The following PPP2R2B variants were observed in gnomAD, a reference collection of about 807,000 sequenced individuals.
The protein encoded by PPP2R2B is serine/threonine-protein phosphatase 2A 55 kDa regulatory subunit B beta isoform.
Under a neutral mutation model 46.0 loss-of-function variants are expected in PPP2R2B, and 5 were observed. The observed-to-expected ratio is 0.11, with a 90% CI of 0.06 to 0.23. The LOEUF is 0.23. PPP2R2B is among the 10% of genes least tolerant of loss of function. The probability of loss-of-function intolerance (pLI) is 1.00; values close to 1 mark genes in which losing one functional copy is unlikely to be tolerated. For synonymous variants in PPP2R2B, 215 were observed against 206.7 expected (o/e 1.04, Z -0.34); for missense variants, 367 against 575.0 (o/e 0.64, Z 3.70).
intron 1 of PPP2R2B, among the ~76,000 whole-genome samples, chr5:146,987,977 TA>T (rs1039740872): frequency 1.1e-4 from 17 of 152,104 alleles, no homozygotes; most frequent in African/African-American, 4.1e-4. Context: ...GCTATACTTA[TA>T]TCAGATAAAA....
intron 2 of PPP2R2B, among the ~76,000 whole-genome samples, chr5:146,711,734 G>C (rs1780221748): frequency 6.6e-6 from 1 of 152,196 alleles, no homozygotes; most frequent in African/African-American, 2.4e-5. Flanking sequence ...CAGAGATATA[G>C]TAATAAACAA....
intron 2 of PPP2R2B, among the ~76,000 whole-genome samples, chr5:146,861,349 C>T (rs998382930): frequency 1.3e-5 from 2 of 152,050 alleles, no homozygotes; most frequent in Admixed American, 6.6e-5. Flanking sequence ...AGCCACCGCG[C>T]CCAGCCTAAT....
intron 2 of PPP2R2B, among the ~76,000 whole-genome samples, chr5:146,873,444 C>A (rs1372678840): frequency 6.6e-6 from 1 of 152,192 alleles, no homozygotes; most frequent in African/African-American, 2.4e-5. Context: ...TTCCATTCAT[C>A]TTTGGATAGA....
chr5:146,932,405 G>T (rs550930250), intron 1 of PPP2R2B, among the ~76,000 whole-genome samples: 1 of 152,112 alleles, frequency 6.6e-6, no homozygotes. Context: ...TAAATCATGG[G>T]TGTGGTTACC....
chr5:146,940,592 T>C (rs770981150), intron 1 of PPP2R2B, among the ~76,000 whole-genome samples: 10 of 152,066 alleles, frequency 6.6e-5, no homozygotes, highest in Non-Finnish European at 1.3e-4. Context: ...TAATGAGCCC[T>C]TAGAGACTGA....
chr5:147,009,690 G>A (rs1466289336), intron 1 of PPP2R2B, among the ~76,000 whole-genome samples: 28 of 150,766 alleles, frequency 1.9e-4, no homozygotes, highest in Admixed American at 1.8e-3. Context: ...CACTTCACAT[G>A]TTTTCAATTC....
intron 7 of PPP2R2B, among the ~76,000 whole-genome samples, chr5:146,600,719 A>G (rs1256891998): frequency 6.6e-6 from 1 of 152,184 alleles, no homozygotes; most frequent in Non-Finnish European, 1.5e-5. Flanking sequence ...AGATCTATGT[A>G]TCTAACTCTG....
intron 1 of PPP2R2B, chr5:146,917,850 G>A (rs1763448950): frequency 6.6e-6 from 1 of 152,080 alleles, no homozygotes; most frequent in East Asian, 1.9e-4. Flanking sequence ...TGTTTTATTT[G>A]CTACTCAAGG....
chr5:146,988,745 A>G (rs1283775386), intron 1 of PPP2R2B, among the ~76,000 whole-genome samples: 1 of 151,956 alleles, frequency 6.6e-6, no homozygotes, highest in Non-Finnish European at 1.5e-5. Flanking sequence ...GAATAAGTAG[A>G]AAGAAAGAAA....
At chr5:146,618,409 C>A (rs1033379167) in intron 7 of PPP2R2B, among the ~76,000 whole-genome samples, 1 of 152,210 alleles carries the variant, frequency 6.6e-6, no homozygotes, top group African/African-American at 2.4e-5. Context: ...GTGAGACCCA[C>A]TTCTGACTTT....
chr5:147,015,657 G>T (rs1754972319), intron 1 of PPP2R2B, among the ~76,000 whole-genome samples: 1 of 151,440 alleles, frequency 6.6e-6, no homozygotes, highest in South Asian at 2.1e-4. Context: ...AAATTTGCAT[G>T]CCTTCACAGT....
chr5:146,976,538 C>A (rs1051472126), intron 1 of PPP2R2B, among the ~76,000 whole-genome samples: 9 of 151,922 alleles, frequency 5.9e-5, no homozygotes, highest in African/African-American at 2.2e-4. Flanking sequence ...TAATTTTTTC[C>A]CCAGCTGATT....
chr5:147,081,384 C>A, exon 1 of PPP2R2B: 1 of 1,331,070 alleles, frequency 7.5e-7, no homozygotes, highest in Non-Finnish European at 1.0e-6. Context: ...CCAGTTTGAA[C>A]TGGAGCAATT....
upstream of PPP2R2B, among the ~76,000 whole-genome samples, chr5:147,056,550 C>G (rs913542459): frequency 6.6e-6 from 1 of 152,010 alleles, no homozygotes; most frequent in Non-Finnish European, 1.5e-5. Flanking sequence ...GAGACTAAAC[C>G]CAAAGGAACT....
Position 146,884,471 on chromosome 5 carries a change from T to A in PPP2R2B, c.79+171194A>T, listed in dbSNP as rs1483259864. Among the ~76,000 whole-genome samples the A allele has an allele frequency of 2.0e-5, 3 of 152,204 alleles. No homozygotes were observed. The East Asian group carries it at 5.8e-4, about 29-fold the overall frequency. On this transcript the variant is annotated intron_variant, in intron 1 of 8. Coordinates refer to the PPP2R2B transcript ENST00000336640. ...TAGGAATGTTCGGTCATGCCCACTC[T>A]CAAGGAATCATTCCTTTTGACTATT... is the stretch of plus-strand genomic sequence containing the variant.
chr5:146,790,120 G>A (rs1027112072), intron 2 of PPP2R2B, among the ~76,000 whole-genome samples: 3 of 152,206 alleles, frequency 2.0e-5, no homozygotes, highest in African/African-American at 7.2e-5. Context: ...CTTCGGGACT[G>A]CTCTGTGTAT....
intron 1 of PPP2R2B, among the ~76,000 whole-genome samples, chr5:147,000,170 T>G (rs1411613625): frequency 6.6e-6 from 1 of 152,236 alleles, no homozygotes; most frequent in Non-Finnish European, 1.5e-5. Context: ...CACAAACTTT[T>G]GCATTACTTT....
At chr5:146,814,791 C>T (rs1373322116) in intron 2 of PPP2R2B, among the ~76,000 whole-genome samples, 2 of 152,178 alleles carry the variant, frequency 1.3e-5, no homozygotes, top group Admixed American at 6.5e-5. Flanking sequence ...ACATAAGACC[C>T]CAGAGGTATG....
At chr5:146,931,105 A>G (rs1450212816) in intron 1 of PPP2R2B, among the ~76,000 whole-genome samples, 1 of 152,126 alleles carries the variant, frequency 6.6e-6, no homozygotes, top group African/African-American at 2.4e-5. Context: ...TATACTCTAT[A>G]CTTCTATAGT....
Sources: allele counts gnomAD v4.1 joint callset (sites outside exome capture counted in the v4.1 genomes callset), GRCh38; gene constraint gnomAD v4.1.1; transcripts MANE v1.5; gene names NCBI Gene and HGNC (gene_info 2026-07-23, HGNC 2026-07-21).